NBEAL1: variants seen among roughly 807,000 people sequenced by gnomAD.
NBEAL1 encodes neurobeachin-like protein 1.
NBEAL1 carries 273 observed loss-of-function variants against 351.3 expected under a neutral mutation model. The observed-to-expected ratio is 0.78, with a 90% CI of 0.70 to 0.86. The LOEUF is 0.86. Among genes scored for constraint, NBEAL1 ranks in the 40% least tolerant of loss-of-function variants. The pLI, the probability that NBEAL1 is intolerant of heterozygous loss-of-function variation, is 0.00. For synonymous variants in NBEAL1, 1,050 were observed against 1,086.4 expected, an observed-to-expected ratio of 0.97 and a Z score of 0.66; for missense variants, 2,961 against 3,201.3, an observed-to-expected ratio of 0.92 and a Z score of 1.81.
chr2:203,138,075 C>A, intron 29 of NBEAL1, 87 bp from the exon 30 acceptor site: 1 of 1,163,006 alleles, frequency 8.6e-7, no homozygotes, highest in Non-Finnish European at 1.2e-6. Flanking sequence ...TACAGTGCTG[C>A]CTCTCAAGCT....
At chr2:203,183,254 T>TA (rs2064785709) in intron 43 of NBEAL1, 25 bp from the exon 44 acceptor site, 1 of 1,214,386 alleles carries the variant, frequency 8.2e-7, no homozygotes, top group Non-Finnish European at 1.2e-6. Context: ...AATGATTTGA[T>TA]ACATTTTCTT....
At chr2:203,056,324 ATT>A (rs1000875253) in intron 4 of NBEAL1, 101 bp from the exon 5 acceptor site, 11 of 694,812 alleles carry the variant, frequency 1.6e-5, no homozygotes, top group Non-Finnish European at 2.3e-5. Context: ...TGTCATTTGC[ATT>A]TTGTTTGCCA....
chr2:203,193,834 C>G lies in NBEAL1; in HGVS notation c.6961C>G (p.Gln2321Glu), dbSNP rs114408639. The G allele has an allele frequency of 7.6e-3, 12,276 of 1,612,300 alleles. 67 individuals carry two copies. The highest frequency in any genetic ancestry group is 9.3e-3 in the Non-Finnish European group (10,954 of 1,178,994). The part of the protein sequence containing the change: ...PPRLSAEEAV[Q>E]KPTKIDTSTL... Reference sequence around the variant, plus strand: ...AAGATTATCAGCAGAAGAAGCAGTGCAGAAGCCAACCAAAATAGACACTTC... The same window carrying G: ...AAGATTATCAGCAGAAGAAGCAGTGGAGAAGCCAACCAAAATAGACACTTC... Residue 2321 changes from glutamine (Q) to glutamate (E), a missense_variant, in exon 47 of 56, where the codon CAG becomes GAG. Transcript: ENST00000683969.
chr2:203,064,140 G>A (rs1402400054), intron 6 of NBEAL1, among the ~76,000 whole-genome samples: 2 of 151,966 alleles, frequency 1.3e-5, no homozygotes, highest in African/African-American at 4.8e-5. Context: ...TGCAACCTCC[G>A]CCTCCCGGGT....
In NBEAL1 at chr2:203,217,391, TG is replaced by T; in HGVS notation, c.*38del. 6.5e-7 allele frequency: 1 copy of T among 1,532,704 alleles called. No individual in the cohort carries two copies. Among genetic ancestry groups the T allele is most frequent in the Non-Finnish European group, 8.8e-7 (1 of 1,137,308 alleles). The allele number at this position is 1,532,704 out of a possible 1,614,324, so 94.9% of individuals were successfully genotyped here. On this transcript the variant is annotated 3_prime_UTR_variant, in exon 56 of 56. Coordinates refer to ENST00000683969, the MANE Select transcript of NBEAL1 (RefSeq NM_001378026.1). Reference sequence around the variant, plus strand: ...ATTTTCTGTTATGATTACTGAAACCTGATTTATTGCTTTGTCACTTTAACCA... The same window carrying T: ...ATTTTCTGTTATGATTACTGAAACCTATTTATTGCTTTGTCACTTTAACCA...
Position 203,208,627 on chromosome 2 carries a change from G to T in NBEAL1, c.7507-10G>T. ...CCACCTTTACCTTTGCTTTTCTCTT[G>T]TATTATTAGGGAGGTGTTCCTGTGG... On this transcript the variant is annotated splice_polypyrimidine_tract_variant and intron_variant, in intron 51 of 55. Coordinates refer to ENST00000683969, the MANE Select transcript of NBEAL1 (RefSeq NM_001378026.1). 1.3e-6 allele frequency: 2 copies of T among 1,588,030 alleles called. No homozygotes were observed. Among genetic ancestry groups the T allele is most frequent in the Non-Finnish European group, 1.7e-6 (2 of 1,162,200 alleles).
At chr2:203,056,620 G>A (rs2061406620) in intron 5 of NBEAL1, 112 bp downstream of exon 5, 2 of 667,390 alleles carry the variant, frequency 3.0e-6, no homozygotes, top group Non-Finnish European at 5.4e-6. Flanking sequence ...AGGCTGGAGT[G>A]CAATGGCCCG....
chr2:203,170,551 T>G (rs1425260017), intron 39 of NBEAL1, among the ~76,000 whole-genome samples: 2 of 152,178 alleles, frequency 1.3e-5, no homozygotes, highest in African/African-American at 4.8e-5. Flanking sequence ...CTTGGATTTG[T>G]TCTGCCAGGA....
At chr2:203,131,580 A>G (rs1257754605) in intron 25 of NBEAL1, among the ~76,000 whole-genome samples, 1 of 152,150 alleles carries the variant, frequency 6.6e-6, no homozygotes, top group Non-Finnish European at 1.5e-5. Flanking sequence ...TTTTATGCCT[A>G]TTGTTCCATT....
chr2:203,134,926 A>G (rs2063163261), intron 27 of NBEAL1, among the ~76,000 whole-genome samples: 1 of 152,220 alleles, frequency 6.6e-6, no homozygotes, highest in African/African-American at 2.4e-5. Flanking sequence ...CTGTAATCCC[A>G]GCACTTTGGG....
intron 8 of NBEAL1, among the ~76,000 whole-genome samples, chr2:203,079,543 T>C (rs970494196): frequency 3.3e-5 from 5 of 152,172 alleles, no homozygotes; most frequent in Non-Finnish European, 7.4e-5. Context: ...TGTTTCTTTC[T>C]CTATCTTAGG....
chr2:203,040,881 C>A, intron 2 of NBEAL1: 2 of 401,098 alleles, frequency 5.0e-6, no homozygotes, highest in South Asian at 4.3e-5. Flanking sequence ...TCAGTCAGCT[C>A]ATCTGCCAGC....
In NBEAL1 at chr2:203,142,828, C is replaced by T. The variant is rs11886624; in HGVS notation, c.4849-1772C>T. 5.2e-3 allele frequency among the ~76,000 whole-genome samples: 796 copies of T among 151,806 alleles called. 12 individuals are homozygous for T. The highest frequency in any genetic ancestry group is 0.018 in the African/African-American group (731 of 41,400). On this transcript the variant is annotated intron_variant, in intron 31 of 55. Coordinates refer to ENST00000683969, the MANE Select transcript of NBEAL1 (RefSeq NM_001378026.1). ...ACTCTTGGAATTCAGTTCCTTTAGT[C>T]GGATTCAAAAACTAAAAGGTGGGAA...
Position 203,212,594 on chromosome 2 carries a change from G to A in NBEAL1, c.7935-924G>A, listed in dbSNP as rs1249299301. ...TGCACTCCAGCCTGGGTGACAGAGC[G>A]AGACTCCATCTCAAAAAAAAAAAAA... On this transcript the variant is annotated intron_variant, in intron 54 of 55. Transcript: ENST00000683969. Among the ~76,000 whole-genome samples, 15 of 142,426 alleles carry A rather than the reference G, an allele frequency of 1.1e-4. No individual in the cohort carries two copies. In the South Asian group the frequency reaches 3.2e-3, roughly 30 times the overall value. 93.4% of individuals were successfully genotyped at this position (142,426 alleles called of 152,430 possible).
intron 36 of NBEAL1, among the ~76,000 whole-genome samples, chr2:203,159,065 C>T (rs564968775): frequency 2.1e-4 from 32 of 152,132 alleles, no homozygotes; most frequent in Non-Finnish European, 3.1e-4. Flanking sequence ...ATGATCCTCC[C>T]GTCTTGGTTT....
At chr2:203,068,955 C>A (rs778911177) in intron 7 of NBEAL1, among the ~76,000 whole-genome samples, 1 of 152,066 alleles carries the variant, frequency 6.6e-6, no homozygotes, top group Non-Finnish European at 1.5e-5. Context: ...GTCTTGAACT[C>A]CTGACCTCAG....
At chr2:203,087,254 G>T (rs777228565) in intron 10 of NBEAL1, among the ~76,000 whole-genome samples, 1 of 151,618 alleles carries the variant, frequency 6.6e-6, no homozygotes, top group African/African-American at 2.4e-5. Flanking sequence ...CACCGTGCCC[G>T]GCTAATTTTC....
chr2:203,125,509 C>A lies in NBEAL1; in HGVS notation c.2840C>A (p.Thr947Lys). ...VEGDWLVWTS[T>K]KASESRLERN... ...GGAGATTGGCTCGTATGGACTTCCA[C>A]AAAGGCCTCAGGTATTAAGATGAAA... is the stretch of plus-strand genomic sequence containing the variant. The change falls in exon 20 of 56, where the codon ACA becomes AAA. Residue 947 changes from threonine to lysine, a missense_variant. Physicochemically the swap from Thr to Lys is moderately conservative, Grantham distance 78. Transcript: ENST00000683969. 1 of 1,491,962 alleles carries A rather than the reference C, an allele frequency of 6.7e-7. No individual in the cohort carries two copies. Among genetic ancestry groups the A allele is most frequent in the Admixed American group, 2.5e-5 (1 of 39,870 alleles). 92.4% of individuals were successfully genotyped at this position (1,491,962 alleles called of 1,614,324 possible).
chr2:203,026,064 T>C (rs775309922), intron 2 of NBEAL1, among the ~76,000 whole-genome samples: 1 of 152,184 alleles, frequency 6.6e-6, no homozygotes, highest in Non-Finnish European at 1.5e-5. Flanking sequence ...TGTTTAGTTA[T>C]ATTATCTTAT....
Sources: gnomAD v4.1 joint callset for allele counts (sites outside exome capture counted in the v4.1 genomes callset) on GRCh38, gnomAD v4.1.1 for gene constraint, MANE v1.5 for transcripts, NCBI Gene and HGNC (gene_info 2026-07-23, HGNC 2026-07-21) for gene names.